The following HCN1 variants were observed in gnomAD, a reference collection of about 807,000 sequenced individuals.
HCN1 encodes hyperpolarization activated cyclic nucleotide gated potassium channel 1.
In HCN1, 13 loss-of-function variants were observed where a neutral mutation model predicts 78.9. The observed-to-expected ratio is 0.16, with a 90% CI of 0.11 to 0.26. The LOEUF (loss-of-function observed/expected upper bound fraction) is 0.26, where lower values mean the gene tolerates loss of function less well. HCN1 is among the 10% of genes least tolerant of loss of function. HCN1 has a pLI of 1.00. For missense variants in HCN1, 810 were observed against 1,154.3 expected (o/e 0.70, Z 4.32); for synonymous variants, 552 against 455.5 (o/e 1.21, Z -2.70).
chr5:45,394,703 C>A (rs959778109), intron 4 of HCN1, among the ~76,000 whole-genome samples: 4 of 152,008 alleles, frequency 2.6e-5, no homozygotes, highest in African/African-American at 9.7e-5. Flanking sequence ...GGAATCCCAA[C>A]TACTTGGGAG....
chr5:45,613,847 G>C (rs951610800), intron 2 of HCN1, among the ~76,000 whole-genome samples: 1 of 151,934 alleles, frequency 6.6e-6, no homozygotes, highest in Non-Finnish European at 1.5e-5. Context: ...CACCAAATTA[G>C]TATGTTTTAT....
intron 4 of HCN1, among the ~76,000 whole-genome samples, chr5:45,378,287 C>G (rs188051156): frequency 2.0e-5 from 3 of 152,006 alleles, no homozygotes; most frequent in African/African-American, 7.2e-5. Context: ...TTCTTCAGTT[C>G]TTATTAATTC....
At chr5:45,367,164 T>C (rs376957685) in intron 4 of HCN1, among the ~76,000 whole-genome samples, 2 of 151,900 alleles carry the variant, frequency 1.3e-5, no homozygotes, top group African/African-American at 4.8e-5. Context: ...TCATAGTCCT[T>C]GAGTCTTAAG....
chr5:45,655,876 C>G (rs1017723152), intron 1 of HCN1, among the ~76,000 whole-genome samples: 9 of 152,184 alleles, frequency 5.9e-5, no homozygotes, highest in African/African-American at 2.2e-4. Flanking sequence ...TTCAGATGCT[C>G]TAAATGCAAA....
At chr5:45,390,822 T>C (rs1375627485) in intron 4 of HCN1, among the ~76,000 whole-genome samples, 1 of 152,174 alleles carries the variant, frequency 6.6e-6, no homozygotes, top group East Asian at 1.9e-4. Context: ...CAACACTTAG[T>C]TAATATAAAA....
intron 3 of HCN1, among the ~76,000 whole-genome samples, chr5:45,438,857 T>A (rs987357139): frequency 2.0e-5 from 3 of 152,154 alleles, no homozygotes; most frequent in Non-Finnish European, 4.4e-5. Flanking sequence ...AGGAATATAC[T>A]CTTTAATTTG....
chr5:45,297,222 G>T (rs1399365797), intron 6 of HCN1, among the ~76,000 whole-genome samples: 1 of 152,106 alleles, frequency 6.6e-6, no homozygotes, highest in Non-Finnish European at 1.5e-5. Context: ...GTTAACTGCA[G>T]CAGGGACACA....
intron 2 of HCN1, among the ~76,000 whole-genome samples, chr5:45,557,054 C>T (rs1328045128): frequency 1.3e-5 from 2 of 152,064 alleles, no homozygotes; most frequent in East Asian, 3.9e-4. Context: ...TCTCACTTCT[C>T]TTTTGAAAGA....
At chr5:45,630,184 C>T (rs1338933934) in intron 2 of HCN1, among the ~76,000 whole-genome samples, 3 of 152,098 alleles carry the variant, frequency 2.0e-5, no homozygotes, top group Non-Finnish European at 4.4e-5. Context: ...TCAATAGGGA[C>T]CCTGCCTCAA....
intron 2 of HCN1, among the ~76,000 whole-genome samples, chr5:45,602,223 C>T (rs1305229423): frequency 6.6e-6 from 1 of 152,088 alleles, no homozygotes; most frequent in South Asian, 2.1e-4. Flanking sequence ...AATGCTTCCC[C>T]AGTACATCAG....
At chr5:45,668,802 C>T (rs942990991) in intron 1 of HCN1, among the ~76,000 whole-genome samples, 1 of 151,826 alleles carries the variant, frequency 6.6e-6, no homozygotes, top group African/African-American at 2.4e-5. Flanking sequence ...AAATTAATTG[C>T]TCTTTCCCTT....
At chr5:45,497,900 G>T (rs968847601) in intron 2 of HCN1, among the ~76,000 whole-genome samples, 3 of 152,178 alleles carry the variant, frequency 2.0e-5, no homozygotes, top group East Asian at 1.9e-4. Flanking sequence ...CTTTAAGAAT[G>T]TTGAATATTG....
chr5:45,637,572 T>A (rs1208225262), intron 2 of HCN1, among the ~76,000 whole-genome samples: 4 of 150,918 alleles, frequency 2.7e-5, no homozygotes, highest in Non-Finnish European at 5.9e-5. Context: ...CAAGGAGCTA[T>A]ACTAGATCCA....
chr5:45,330,246 A>G (rs186595286), intron 5 of HCN1, among the ~76,000 whole-genome samples: 1 of 151,452 alleles, frequency 6.6e-6, no homozygotes, highest in African/African-American at 2.4e-5. Flanking sequence ...CATTTGGCAT[A>G]CATAAATATT....
At chr5:45,553,779 T>C (rs1743420743) in intron 2 of HCN1, among the ~76,000 whole-genome samples, 1 of 151,888 alleles carries the variant, frequency 6.6e-6, no homozygotes, top group Non-Finnish European at 1.5e-5. Context: ...TATACTACAT[T>C]TTTACTTGTT....
chr5:45,414,799 C>A (rs570911338), intron 3 of HCN1, among the ~76,000 whole-genome samples: 1 of 152,110 alleles, frequency 6.6e-6, no homozygotes, highest in Admixed American at 6.6e-5. Flanking sequence ...TATCTCAGGG[C>A]AGTCTTATGG....
At chr5:45,678,029 A>G (rs1206351100) in intron 1 of HCN1, among the ~76,000 whole-genome samples, 2 of 146,278 alleles carry the variant, frequency 1.4e-5, no homozygotes, top group Non-Finnish European at 3.0e-5. Context: ...CACACACACT[A>G]TAACGTTAAA....
In HCN1 at chr5:45,555,944, C is replaced by T. The variant is rs561783151; in HGVS notation, c.849+89241G>A. ...CTCATTTTCAACAAAAGTGCCAAGA[C>T]GATACACTAAGGAAAAGACAGTCTC... On this transcript the variant is annotated intron_variant, in intron 2 of 7. Transcript: ENST00000303230. Among the ~76,000 whole-genome samples, 3 of 151,732 alleles carry T rather than the reference C, an allele frequency of 2.0e-5. No individual in the cohort carries two copies. The East Asian group carries it at 5.8e-4, about 29-fold the overall frequency.
chr5:45,376,251 A>AATATAGAATATATG (rs371543140), intron 4 of HCN1, among the ~76,000 whole-genome samples: 1 of 40,844 alleles, frequency 2.4e-5, no homozygotes, highest in Non-Finnish European at 4.2e-5. Flanking sequence ...TATTCTATAT[A>AATATAGAATATATG]GAATATAGAA....
Sources: gnomAD v4.1 joint callset for allele counts (sites outside exome capture counted in the v4.1 genomes callset) on GRCh38, gnomAD v4.1.1 for gene constraint, MANE v1.5 for transcripts, NCBI Gene and HGNC (gene_info 2026-07-23, HGNC 2026-07-21) for gene names.